The following FSTL5 variants were observed in gnomAD, a reference collection of about 807,000 sequenced individuals.
FSTL5 encodes the protein follistatin-related protein 5.
Under a neutral mutation model 89.1 loss-of-function variants are expected in FSTL5, and 62 were observed. That is an observed-to-expected ratio of 0.70 (90% CI 0.57 to 0.86). FSTL5 has a LOEUF of 0.86. Ranked by LOEUF, FSTL5 falls within the 40% of genes least tolerant of loss-of-function variation. FSTL5 has a pLI of 0.00. For missense variants in FSTL5, 1,057 were observed against 1,001.6 expected, an observed-to-expected ratio of 1.06 and a Z score of -0.75; for synonymous variants, 383 against 346.2, an observed-to-expected ratio of 1.11 and a Z score of -1.18.
intron 6 of FSTL5, among the ~76,000 whole-genome samples, chr4:161,690,251 C>T (rs970179012): frequency 2.0e-5 from 3 of 152,072 alleles, no homozygotes; most frequent in African/African-American, 4.8e-5. Flanking sequence ...CAATTTTCTA[C>T]CTCCTTGTCT....
At chr4:161,464,811 T>C (rs1236977025) in intron 13 of FSTL5, among the ~76,000 whole-genome samples, 1 of 152,118 alleles carries the variant, frequency 6.6e-6, no homozygotes, top group African/African-American at 2.4e-5. Flanking sequence ...TCTTAAAAAA[T>C]TTCTCCTCTG....
At chr4:161,988,711 T>G (rs1314676941) in intron 3 of FSTL5, among the ~76,000 whole-genome samples, 1 of 152,150 alleles carries the variant, frequency 6.6e-6, no homozygotes, top group Non-Finnish European at 1.5e-5. Context: ...AATTTTTCCC[T>G]TTTCTGGTGA....
At chr4:161,489,426 T>C (rs1560920382) in intron 12 of FSTL5, among the ~76,000 whole-genome samples, 1 of 152,104 alleles carries the variant, frequency 6.6e-6, no homozygotes, top group Non-Finnish European at 1.5e-5. Context: ...GGTGTTGGAA[T>C]TGAAAGCCAA....
chr4:161,636,443 GTTGTT>G lies in FSTL5; in HGVS notation c.894+19880_894+19884del, dbSNP rs1384987388. Among the ~76,000 whole-genome samples, 431 of 125,752 alleles carry G rather than the reference GTTGTT, an allele frequency of 3.4e-3. 2 individuals are homozygous for G. Among genetic ancestry groups the G allele is most frequent in the African/African-American group, 8.2e-3 (282 of 34,522 alleles). The allele number at this position is 125,752 out of a possible 152,430, so 82.5% of individuals were successfully genotyped here. On this transcript the variant is annotated intron_variant, in intron 7 of 15. Coordinates refer to ENST00000306100, the MANE Select transcript of FSTL5 (RefSeq NM_020116.5). Reference sequence around the variant, plus strand: ...GATTTTGACTTTTTGAATTCTGGCAGTTGTTTTTTTTTTTTTCTTTTTTTTTTTTT... The same window carrying G: ...GATTTTGACTTTTTGAATTCTGGCAGTTTTTTTTTTTCTTTTTTTTTTTTT...
At chr4:162,130,645 C>A (rs1487400391) in intron 1 of FSTL5, among the ~76,000 whole-genome samples, 1 of 152,058 alleles carries the variant, frequency 6.6e-6, no homozygotes, top group African/African-American at 2.4e-5. Flanking sequence ...ATAATAATGA[C>A]AATAGCAAAC....
At position 161,385,612 on chromosome 4, in the gene FSTL5, T is replaced by A. The variant is rs369496219; in HGVS notation, c.*135A>T. 5.5e-5 allele frequency: 35 copies of A among 632,904 alleles called. No individual in the cohort carries two copies. Among genetic ancestry groups the A allele is most frequent in the South Asian group, 4.1e-4 (19 of 46,314 alleles). 39.2% of individuals were successfully genotyped at this position (632,904 alleles called of 1,614,324 possible). On this transcript the variant is annotated 3_prime_UTR_variant, in exon 16 of 16. Coordinates refer to ENST00000306100, the MANE Select transcript of FSTL5 (RefSeq NM_020116.5). ...CTTAGTCACTTAGTCAAAAACAATT[T>A]ATTTTATTTGGACCAACCAAGTAAA... is the stretch of plus-strand genomic sequence containing the variant.
intron 15 of FSTL5, among the ~76,000 whole-genome samples, chr4:161,412,230 G>C (rs1731617132): frequency 6.6e-6 from 1 of 152,064 alleles, no homozygotes; most frequent in African/African-American, 2.4e-5. Flanking sequence ...TCGTGGATGG[G>C]AAGAATCAAT....
intron 7 of FSTL5, among the ~76,000 whole-genome samples, chr4:161,614,031 A>G (rs1348023585): frequency 6.6e-6 from 1 of 152,194 alleles, no homozygotes; most frequent in Non-Finnish European, 1.5e-5. Flanking sequence ...AATAATAAAA[A>G]CAATAGGCTT....
chr4:161,981,083 A>G (rs1392764880), intron 3 of FSTL5, among the ~76,000 whole-genome samples: 1 of 151,982 alleles, frequency 6.6e-6, no homozygotes, highest in African/African-American at 2.4e-5. Context: ...TTTTTGCAAA[A>G]CAGCATATAT....
chr4:161,989,989 A>C (rs2111073244), intron 3 of FSTL5, among the ~76,000 whole-genome samples: 1 of 152,296 alleles, frequency 6.6e-6, no homozygotes, highest in South Asian at 2.1e-4. Flanking sequence ...TTTACAATTT[A>C]AGTATACCTC....
intron 6 of FSTL5, among the ~76,000 whole-genome samples, chr4:161,716,631 T>C (rs1379544539): frequency 6.6e-6 from 1 of 152,010 alleles, no homozygotes; most frequent in Non-Finnish European, 1.5e-5. Flanking sequence ...TAAAATAAAA[T>C]AGCACCTTCC....
intron 6 of FSTL5, among the ~76,000 whole-genome samples, chr4:161,702,701 C>T (rs1035888759): frequency 3.3e-5 from 5 of 152,030 alleles, no homozygotes; most frequent in African/African-American, 1.2e-4. Flanking sequence ...ACTCATGTCC[C>T]CCAGATGCAC....
intron 3 of FSTL5, among the ~76,000 whole-genome samples, chr4:161,974,065 CT>C (rs1221438763): frequency 6.6e-6 from 1 of 152,056 alleles, no homozygotes; most frequent in East Asian, 1.9e-4. Context: ...TGTGAAGGAC[CT>C]CTTCAAGGAG....
At chr4:161,433,265 A>G (rs969556685) in intron 15 of FSTL5, among the ~76,000 whole-genome samples, 1 of 152,222 alleles carries the variant, frequency 6.6e-6, no homozygotes, top group Middle Eastern at 3.4e-3. Context: ...ATGTAAATCA[A>G]TCACTGTGAT....
At chr4:161,868,632 T>C (rs1037483283) in intron 4 of FSTL5, among the ~76,000 whole-genome samples, 4 of 152,240 alleles carry the variant, frequency 2.6e-5, no homozygotes, top group Non-Finnish European at 4.4e-5. Flanking sequence ...TGACTGTATA[T>C]AGACCCATTA....
chr4:161,443,874 G>A (rs964351857), intron 15 of FSTL5, among the ~76,000 whole-genome samples: 3 of 151,888 alleles, frequency 2.0e-5, no homozygotes, highest in Admixed American at 2.0e-4. Context: ...ACCATAAGAT[G>A]TGTGCATATC....
intron 4 of FSTL5, among the ~76,000 whole-genome samples, chr4:161,793,422 T>C (rs1729538249): frequency 6.6e-6 from 1 of 152,180 alleles, no homozygotes; most frequent in South Asian, 2.1e-4. Context: ...TCAAATATAC[T>C]GTGAGAAATT....
intron 4 of FSTL5, among the ~76,000 whole-genome samples, chr4:161,859,889 CAATTA>C (rs1184667075): frequency 6.6e-6 from 1 of 152,070 alleles, no homozygotes; most frequent in African/African-American, 2.4e-5. Context: ...GATCAGATAA[CAATTA>C]AATTAAGGAC....
At chr4:161,569,296 G>T (rs1312292392) in intron 8 of FSTL5, among the ~76,000 whole-genome samples, 1 of 152,116 alleles carries the variant, frequency 6.6e-6, no homozygotes, top group Non-Finnish European at 1.5e-5. Context: ...AGCCATGGCT[G>T]CCATAAACAT....
Sources: gnomAD v4.1 joint callset for allele counts (sites outside exome capture counted in the v4.1 genomes callset) on GRCh38, gnomAD v4.1.1 for gene constraint, MANE v1.5 for transcripts, NCBI Gene and HGNC (gene_info 2026-07-23, HGNC 2026-07-21) for gene names.